Variants in SOX5 observed in about 807,000 individuals in gnomAD.
The protein encoded by SOX5 is SRY-box transcription factor 5, also known as transcription factor SOX-5.
In SOX5, 9 loss-of-function variants were observed where a neutral mutation model predicts 92.0. That is an observed-to-expected ratio of 0.10 (90% CI 0.06 to 0.17). The LOEUF (loss-of-function observed/expected upper bound fraction) is 0.17. Ranked by LOEUF, SOX5 falls within the 10% of genes least tolerant of loss-of-function variation. The probability of loss-of-function intolerance (pLI) is 1.00; values close to 1 mark genes in which losing one functional copy is unlikely to be tolerated. For synonymous variants in SOX5, 344 were observed against 336.3 expected, an observed-to-expected ratio of 1.02 and a Z score of -0.25; for missense variants, 642 against 944.5, an observed-to-expected ratio of 0.68 and a Z score of 4.20.
chr12:24,225,493 T>C (rs4625573), intron 3 of SOX5, among the ~76,000 whole-genome samples: 76,937 of 147,904 alleles, frequency 0.52, 19,910 homozygotes, highest in East Asian at 0.73. Context: ...TTTTTTTTTT[T>C]CCCCACTTAG....
intron 7 of SOX5, among the ~76,000 whole-genome samples, chr12:23,652,005 AT>A (rs1234799482): frequency 6.6e-6 from 1 of 152,032 alleles, no homozygotes; most frequent in African/African-American, 2.4e-5. Flanking sequence ...CCTAAAAAAA[AT>A]GAACTATCTA....
rs1479061777 is a variant in SOX5, at chr12:24,068,741, T to C, written c.-2+144602A>G. Among the ~76,000 whole-genome samples, 326 of 77,248 alleles carry C rather than the reference T, an allele frequency of 4.2e-3. 5 individuals carry two copies. Among genetic ancestry groups the C allele is most frequent in the Middle Eastern group, 0.021 (3 of 142 alleles). 50.7% of individuals were successfully genotyped at this position (77,248 alleles called of 152,430 possible). A position where few individuals can be genotyped will look rare whatever the true frequency, so the allele number is the denominator to read the frequency against. ...ATATATATATATATATATATATATA[T>C]ATATATACACACACACACATTAGTT... On this transcript the variant is annotated intron_variant, in intron 4 of 4. Transcript: ENST00000446891.
rs765637556 is a variant in SOX5 at position 23,728,061 on chromosome 12, TCTGAG to T, written c.810+6618_810+6622del. ...CTTAAGGAATTTTAAAGTGGCTCCC[TCTGAG>T]TGAAAGGACAGGGCTGCAGGCAGTT... On this transcript the variant is annotated intron_variant, in intron 6 of 14. Coordinates refer to ENST00000451604, the MANE Select transcript of SOX5 (RefSeq NM_006940.6). 4.9e-3 allele frequency among the ~76,000 whole-genome samples: 752 copies of T among 152,288 alleles called. 2 individuals are homozygous for T. The highest frequency in any genetic ancestry group is 6.2e-3 in the Non-Finnish European group (420 of 68,026).
intron 4 of SOX5, among the ~76,000 whole-genome samples, chr12:24,171,445 G>A (rs1010422500): frequency 1.3e-5 from 2 of 151,852 alleles, no homozygotes; most frequent in South Asian, 2.1e-4. Flanking sequence ...GGATGGTCTC[G>A]ATCTCCTGAC....
chr12:24,220,215 T>C (rs182771281), intron 3 of SOX5, among the ~76,000 whole-genome samples: 1 of 152,164 alleles, frequency 6.6e-6, no homozygotes, highest in African/African-American at 2.4e-5. Flanking sequence ...GAAGATAGTA[T>C]CATCATTATC....
rs142774744 is a variant in SOX5, at chr12:24,310,369, A to G, written c.-173-33057T>C. ...TCTGGGTTTGCTCCTAAACCATGTC[A>G]TTATTCCAAGAAGAAGCCCCAACTT... On this transcript the variant is annotated intron_variant, in intron 2 of 4. Transcript: ENST00000446891. 1.1e-4 allele frequency among the ~76,000 whole-genome samples: 17 copies of G among 152,300 alleles called. No individual in the cohort carries two copies. The East Asian group carries it at 2.1e-3, about 19-fold the overall frequency.
At chr12:24,014,290 G>C (rs1953313814) in intron 4 of SOX5, among the ~76,000 whole-genome samples, 1 of 151,992 alleles carries the variant, frequency 6.6e-6, no homozygotes, top group Non-Finnish European at 1.5e-5. Context: ...AACCTTCCTG[G>C]ATAACTACTC....
In SOX5 at chr12:24,091,008, T is replaced by G. The variant is rs1001046857; in HGVS notation, c.-2+122335A>C. ...AAGCAAGAGTTCTGCTGCTATATTT[T>G]CTTAACTTCCTGCCTTATAATTGTT... On this transcript the variant is annotated intron_variant, in intron 4 of 4. Coordinates refer to the SOX5 transcript ENST00000446891. 3.9e-5 allele frequency among the ~76,000 whole-genome samples: 6 copies of G among 152,230 alleles called. No individual in the cohort carries two copies. In the East Asian group the frequency reaches 1.2e-3, roughly 29 times the overall value.
At chr12:23,549,628 A>G (rs1943800100) in intron 11 of SOX5, among the ~76,000 whole-genome samples, 1 of 151,998 alleles carries the variant, frequency 6.6e-6, no homozygotes, top group South Asian at 2.1e-4. Context: ...GAGGGCAAAA[A>G]GAGATTAATT....
intron 8 of SOX5, among the ~76,000 whole-genome samples, chr12:23,627,464 G>A (rs1245541928): frequency 6.6e-6 from 1 of 152,040 alleles, no homozygotes; most frequent in Non-Finnish European, 1.5e-5. Flanking sequence ...ATCCAAGAAA[G>A]TTACTTGCTA....
chr12:23,775,887 G>C (rs536185062), intron 3 of SOX5, among the ~76,000 whole-genome samples: 2 of 152,038 alleles, frequency 1.3e-5, no homozygotes, highest in Admixed American at 1.3e-4. Flanking sequence ...CTAACGCCAC[G>C]GTCTCCAACC....
intron 4 of SOX5, among the ~76,000 whole-genome samples, chr12:24,033,558 T>C (rs12300648): frequency 0.43 from 65,638 of 151,770 alleles, 14,952 homozygotes; most frequent in African/African-American, 0.51. Context: ...GAAGTTTAAT[T>C]CAGACAGGAT....
intron 1 of SOX5, among the ~76,000 whole-genome samples, chr12:24,410,943 G>C (rs11534741): frequency 0.22 from 33,618 of 151,900 alleles, 4,740 homozygotes; most frequent in East Asian, 0.66. Context: ...TCCAGTCCAT[G>C]AACATGATAG....
At chr12:23,747,307 T>C (rs1269964227) in intron 4 of SOX5, among the ~76,000 whole-genome samples, 1 of 152,124 alleles carries the variant, frequency 6.6e-6, no homozygotes, top group Non-Finnish European at 1.5e-5. Flanking sequence ...TTTCTAGTCA[T>C]TGTCTCTATT....
intron 4 of SOX5, among the ~76,000 whole-genome samples, chr12:23,753,711 G>A (rs1039189050): frequency 6.6e-6 from 1 of 151,698 alleles, no homozygotes; most frequent in African/African-American, 2.4e-5. Flanking sequence ...GAAGCGGCAG[G>A]AAAACTACAT....
At chr12:23,861,252 T>A (rs1232240370) in intron 2 of SOX5, among the ~76,000 whole-genome samples, 1 of 152,082 alleles carries the variant, frequency 6.6e-6, no homozygotes, top group Non-Finnish European at 1.5e-5. Context: ...CACATAAATG[T>A]TAGAATAAAG....
intron 8 of SOX5, among the ~76,000 whole-genome samples, chr12:23,632,888 T>C (rs1566546429): frequency 1.3e-5 from 2 of 152,170 alleles, no homozygotes. Context: ...TGAGGTTTCA[T>C]TTATGACAAC....
intron 3 of SOX5, among the ~76,000 whole-genome samples, chr12:23,844,829 C>A (rs2136014016): frequency 1.3e-5 from 2 of 152,236 alleles, no homozygotes; most frequent in Admixed American, 1.3e-4. Context: ...CCATTTTAAA[C>A]ACATAAGGTT....
At chr12:23,812,383 T>C (rs1002728901) in intron 3 of SOX5, among the ~76,000 whole-genome samples, 1 of 152,172 alleles carries the variant, frequency 6.6e-6, no homozygotes, top group South Asian at 2.1e-4. Context: ...ACATTTTACA[T>C]ACTTTGGGTC....
Sources: gnomAD v4.1 joint callset for allele counts (sites outside exome capture counted in the v4.1 genomes callset) on GRCh38, gnomAD v4.1.1 for gene constraint, MANE v1.5 for transcripts, NCBI Gene and HGNC (gene_info 2026-07-23, HGNC 2026-07-21) for gene names.